Variants in RIF1 observed in about 807,000 individuals in gnomAD.
RIF1 encodes telomere-associated protein RIF1.
RIF1 carries 45 observed loss-of-function variants against 247.1 expected under a neutral mutation model. The ratio of observed to expected loss-of-function variants is 0.18; its 90% CI spans 0.14 to 0.23. The LOEUF (loss-of-function observed/expected upper bound fraction) is 0.23, where lower values mean the gene tolerates loss of function less well. Among genes scored for constraint, RIF1 ranks in the 10% least tolerant of loss-of-function variants. The pLI is 1.00. For synonymous variants in RIF1, 1,087 were observed against 978.8 expected (o/e 1.11, Z -2.06); for missense variants, 2,967 against 2,862.5 (o/e 1.04, Z -0.83).
intron 8 of RIF1, among the ~76,000 whole-genome samples, chr2:151,425,660 C>CTTTTTTTTTTTTTT (rs34032157): frequency 3.6e-5 from 3 of 83,688 alleles, no homozygotes; most frequent in Non-Finnish European, 4.1e-5. Context: ...TTGTGGTACC[C>CTTTTTTTTTTTTTT]TTTTTTTTTT....
chr2:151,533,373 G>T, the RIF1 span: 2 of 1,010,566 alleles, frequency 2.0e-6, no homozygotes, highest in Non-Finnish European at 3.0e-6. Flanking sequence ...GGAAATCAAT[G>T]AAAGCATACA....
chr2:151,490,598 G>A (rs1302288461), intron 9 of RIF1: 1 of 1,491,122 alleles, frequency 6.7e-7, no homozygotes, highest in Middle Eastern at 1.7e-4. Flanking sequence ...TTGAATCTCA[G>A]TTATTGTTAT....
chr2:151,521,820 T>G, the RIF1 span, among the ~76,000 whole-genome samples: 1 of 152,236 alleles, frequency 6.6e-6, no homozygotes, highest in African/African-American at 2.4e-5. Flanking sequence ...ATGCAGCTTT[T>G]TACAACTACT....
At chr2:151,501,129 TC>T (rs1244187221) in intron 11 of RIF1, among the ~76,000 whole-genome samples, 4 of 152,070 alleles carry the variant, frequency 2.6e-5, no homozygotes, top group African/African-American at 9.6e-5. Flanking sequence ...TTTCTGGAAA[TC>T]AATTAACTTC....
chr2:151,428,422 A>T (rs1037224493), intron 8 of RIF1, among the ~76,000 whole-genome samples: 1 of 151,996 alleles, frequency 6.6e-6, no homozygotes, highest in East Asian at 1.9e-4. Flanking sequence ...TCTCTAATAT[A>T]ATTTTTTAAT....
downstream of RIF1, among the ~76,000 whole-genome samples, chr2:151,512,337 CTCTT>C (rs1336780595): frequency 2.0e-5 from 3 of 151,620 alleles, no homozygotes; most frequent in Admixed American, 6.6e-5. Flanking sequence ...CCGGGCTTCT[CTCTT>C]TTTTTTTTAA....
intron 9 of RIF1, among the ~76,000 whole-genome samples, chr2:151,487,653 A>G (rs551181743): frequency 6.6e-6 from 1 of 152,308 alleles, no homozygotes; most frequent in South Asian, 2.1e-4. Context: ...TTACACTATA[A>G]TGAGCATCCT....
At chr2:151,503,400 A>T in intron 12 of RIF1, 1 of 1,612,938 alleles carries the variant, frequency 6.2e-7, no homozygotes, top group African/African-American at 1.3e-5. Flanking sequence ...CTGGAGTCAC[A>T]GTGGTTGGAA....
At chr2:151,468,209 G>C in intron 31 of RIF1, 63 bp downstream of exon 31, 1 of 1,425,364 alleles carries the variant, frequency 7.0e-7, no homozygotes. Flanking sequence ...TGTACATGAT[G>C]TGTCATAAAA....
Position 151,443,341 on chromosome 2 carries a change from C to T in RIF1, c.1805+12C>T, listed in dbSNP as rs1199378014. On this transcript the variant is annotated intron_variant, in intron 17 of 35. Coordinates refer to ENST00000444746, the MANE Select transcript of RIF1 (RefSeq NM_018151.5). ...GTATCAGATGAAAGGTAAGTTTGTA[C>T]TTTAACTTGAAACTTTGTCTTGGAA... is the stretch of plus-strand genomic sequence containing the variant. The T allele has an allele frequency of 3.9e-6, 6 of 1,528,436 alleles. No homozygotes were observed. Among genetic ancestry groups the T allele is most frequent in the Non-Finnish European group, 5.4e-6 (6 of 1,108,432 alleles). The allele number at this position is 1,528,436 out of a possible 1,614,324, so 94.7% of individuals were successfully genotyped here. A position where few individuals can be genotyped will look rare whatever the true frequency, so the allele number is the denominator to read the frequency against.
chr2:151,457,856 A>C lies in RIF1; in HGVS notation c.2748A>C (p.Leu916Phe). The C allele has an allele frequency of 1.2e-6, 2 of 1,613,532 alleles. No homozygotes were observed. Among genetic ancestry groups the C allele is most frequent in the Non-Finnish European group, 1.7e-6 (2 of 1,179,512 alleles). The change falls in exon 24 of 36, where the codon TTA becomes TTC. Residue 916 changes from leucine (L) to phenylalanine (F), a missense_variant. Coordinates refer to ENST00000444746, the MANE Select transcript of RIF1 (RefSeq NM_018151.5). ...TTCTTGAACAACTCTCCCCACTATTATGCATAATATTTCTGCACAAGAATA... is the reference window on the plus strand; with the variant it reads ...TTCTTGAACAACTCTCCCCACTATTCTGCATAATATTTCTGCACAAGAATA... The part of the protein sequence containing the change: ...SELLEQLSPL[L>F]CIIFLHKNKQ...
At position 151,441,952 on chromosome 2, in the gene RIF1, T is replaced by A. The variant is rs891671841; in HGVS notation, c.1695T>A (p.Gly565=). 6.4e-7 allele frequency: 1 copy of A among 1,567,636 alleles called. No homozygotes were observed. ...AAGGACTTCCTCAGAAAGTATTAGG[T>A]TCACCAGCATATCAGGTTGCTAATA... ...TIKGLPQKVL[G]SPAYQVANMD... The change falls in exon 16 of 36, where the codon GGT becomes GGA. Residue 565 remains glycine (G), a synonymous_variant. Transcript: ENST00000444746.
intron 18 of RIF1, among the ~76,000 whole-genome samples, chr2:151,444,276 G>A (rs867282853): frequency 8.5e-5 from 13 of 152,156 alleles, no homozygotes; most frequent in Non-Finnish European, 1.3e-4. Flanking sequence ...TAATAGTGCT[G>A]TAACTCAAAA....
the RIF1 span, among the ~76,000 whole-genome samples, chr2:151,526,643 T>C: frequency 6.6e-6 from 1 of 151,910 alleles, no homozygotes; most frequent in South Asian, 2.1e-4. Flanking sequence ...CCATAAAGAG[T>C]CCAGCCAGGC....
At chr2:151,431,802 A>C (rs900157806) in intron 9 of RIF1, among the ~76,000 whole-genome samples, 1 of 152,072 alleles carries the variant, frequency 6.6e-6, no homozygotes, top group African/African-American at 2.4e-5. Context: ...TGAATGAATG[A>C]ATGAATGAAT....
the RIF1 span, among the ~76,000 whole-genome samples, chr2:151,521,039 TAG>T: frequency 6.6e-6 from 1 of 152,178 alleles, no homozygotes; most frequent in Non-Finnish European, 1.5e-5. Flanking sequence ...GAGCTGTTTC[TAG>T]ATGTTAGCCA....
the RIF1 span, among the ~76,000 whole-genome samples, chr2:151,521,908 A>G: frequency 6.6e-6 from 1 of 152,208 alleles, no homozygotes; most frequent in Admixed American, 6.5e-5. Flanking sequence ...TTGAAAGGTA[A>G]GGACATGTAC....
intron 34 of RIF1, among the ~76,000 whole-genome samples, chr2:151,473,230 G>C (rs1300893872): frequency 6.7e-6 from 1 of 150,194 alleles, no homozygotes; most frequent in Non-Finnish European, 1.5e-5. Flanking sequence ...TTAACTTTCT[G>C]AACTTAGTAT....
chr2:151,532,746 CT>C, the RIF1 span, among the ~76,000 whole-genome samples: 96,997 of 149,808 alleles, frequency 0.65, 31,479 homozygotes, highest in East Asian at 0.78. Context: ...GCTCAATTAA[CT>C]TTTTTTTTTT....
Sources: gnomAD v4.1 joint callset for allele counts (sites outside exome capture counted in the v4.1 genomes callset) on GRCh38, gnomAD v4.1.1 for gene constraint, MANE v1.5 for transcripts, NCBI Gene and HGNC (gene_info 2026-07-23, HGNC 2026-07-21) for gene names.